Variants in PRMT3 observed in about 807,000 individuals in gnomAD.
The protein encoded by PRMT3 is protein arginine N-methyltransferase 3.
A neutral mutation model predicts 71.9 loss-of-function variants in PRMT3; 62 were observed. The observed-to-expected ratio is 0.86, with a 90% CI of 0.70 to 1.07. The LOEUF (loss-of-function observed/expected upper bound fraction) is 1.07. PRMT3 is among the 50% of genes least tolerant of loss of function. The probability of loss-of-function intolerance (pLI) is 0.00; values close to 1 mark genes in which losing one functional copy is unlikely to be tolerated. For missense variants in PRMT3, 663 were observed against 643.0 expected, an observed-to-expected ratio of 1.03 and a Z score of -0.34; for synonymous variants, 213 against 220.4, an observed-to-expected ratio of 0.97 and a Z score of 0.30.
intron 9 of PRMT3, among the ~76,000 whole-genome samples, chr11:20,420,330 A>C (rs200192069): frequency 6.6e-6 from 1 of 152,212 alleles, no homozygotes; most frequent in East Asian, 1.9e-4. Flanking sequence ...CAATGTATCT[A>C]TGTATTTAAA....
rs1423437435 is a variant in PRMT3, at chr11:20,506,149, G to A, written c.1487-2155G>A. Among the ~76,000 whole-genome samples, 3 of 152,254 alleles carry A rather than the reference G, an allele frequency of 2.0e-5. No individual in the cohort carries two copies. The East Asian group carries it at 5.8e-4, about 29-fold the overall frequency. On this transcript the variant is annotated intron_variant, in intron 15 of 15. Coordinates refer to ENST00000331079, the MANE Select transcript of PRMT3 (RefSeq NM_005788.4). ...GCAATATTTTGTGACCATTAAGTGA[G>A]ATAAATCATGTAAAGACCTTAGAGT...
intron 13 of PRMT3, 121 bp from the exon 14 acceptor site, chr11:20,493,792 ATTGAGT>A (rs1851266955): frequency 1.6e-6 from 1 of 638,222 alleles, no homozygotes; most frequent in Non-Finnish European, 2.6e-6. Flanking sequence ...CAGGAAAAAT[ATTGAGT>A]TTAAGAGGTA....
At chr11:20,480,217 C>G (rs1850898006) in intron 13 of PRMT3, among the ~76,000 whole-genome samples, 1 of 152,106 alleles carries the variant, frequency 6.6e-6, no homozygotes, top group Non-Finnish European at 1.5e-5. Flanking sequence ...TGGTCCGTAT[C>G]TTGATCTGGG....
At chr11:20,412,564 C>T (rs1849218678) in intron 9 of PRMT3, among the ~76,000 whole-genome samples, 2 of 152,004 alleles carry the variant, frequency 1.3e-5, no homozygotes, top group Non-Finnish European at 2.9e-5. Context: ...TTCCCTCCCA[C>T]CTTTTTTGTT....
At chr11:20,454,362 T>C (rs1321882140) in intron 11 of PRMT3, among the ~76,000 whole-genome samples, 2 of 152,220 alleles carry the variant, frequency 1.3e-5, no homozygotes, top group East Asian at 1.9e-4. Context: ...GAATTCTCAC[T>C]GAAATTCATT....
intron 9 of PRMT3, among the ~76,000 whole-genome samples, chr11:20,411,669 C>T (rs777825963): frequency 2.6e-5 from 4 of 152,022 alleles, no homozygotes; most frequent in Admixed American, 1.3e-4. Flanking sequence ...GAGAGTATAA[C>T]AAAATGACTA....
chr11:20,488,413 T>C (rs1390458981), intron 13 of PRMT3, among the ~76,000 whole-genome samples: 1 of 152,180 alleles, frequency 6.6e-6, no homozygotes, highest in Non-Finnish European at 1.5e-5. Flanking sequence ...CAGTTGGCTT[T>C]TGCATTCCAT....
chr11:20,494,245 G>T lies in PRMT3; in HGVS notation c.1477G>T (p.Val493Phe), dbSNP rs1851281553. The T allele has an allele frequency of 1.3e-6, 2 of 1,589,426 alleles. No homozygotes were observed. Among genetic ancestry groups the T allele is most frequent in the South Asian group, 2.2e-5 (2 of 90,368 alleles). ...ATTTCTACTGGAAAAACCATTTTCA[G>T]TTAAAGCAGGTGAGAAAGAATAGTA... ...TVFLLEKPFS[V>F]KAGEALKGKV... The change falls in exon 15 of 16, where the codon GTT (valine) becomes TTT (phenylalanine). Residue 493 changes from valine to phenylalanine, a missense_variant. Coordinates refer to ENST00000331079, the MANE Select transcript of PRMT3 (RefSeq NM_005788.4).
intron 11 of PRMT3, among the ~76,000 whole-genome samples, chr11:20,454,108 TAC>T (rs1480196980): frequency 6.6e-6 from 1 of 152,324 alleles, no homozygotes; most frequent in East Asian, 1.9e-4. Flanking sequence ...TTTGAGATTT[TAC>T]AGTCTCCTAA....
intron 10 of PRMT3, among the ~76,000 whole-genome samples, chr11:20,431,368 G>GT (rs1203261346): frequency 6.6e-6 from 1 of 151,934 alleles, no homozygotes; most frequent in African/African-American, 2.4e-5. Context: ...ACTTCATAAG[G>GT]TTTTTTTGTG....
rs1358246467 is a variant in PRMT3 at position 20,392,201 on chromosome 11, C to T, written c.248-10C>T. 9 of 1,571,336 alleles carry T rather than the reference C, an allele frequency of 5.7e-6. No homozygotes were observed. Among genetic ancestry groups the T allele is most frequent in the Non-Finnish European group, 6.9e-6 (8 of 1,151,478 alleles). On this transcript the variant is annotated splice_polypyrimidine_tract_variant and intron_variant, in intron 3 of 15. Coordinates refer to ENST00000331079, the MANE Select transcript of PRMT3 (RefSeq NM_005788.4). ...GTTAACATAGGTGAATTATCTTTTT[C>T]CCCCTTTAGGACTTGAATTTTATGG... is the stretch of plus-strand genomic sequence containing the variant.
At chr11:20,480,125 A>G (rs1850895217) in intron 13 of PRMT3, among the ~76,000 whole-genome samples, 1 of 152,186 alleles carries the variant, frequency 6.6e-6, no homozygotes, top group Admixed American at 6.6e-5. Context: ...CCATCTGGTC[A>G]TGGACATCAG....
At chr11:20,422,888 C>T (rs1387332075) in intron 9 of PRMT3, among the ~76,000 whole-genome samples, 1 of 152,146 alleles carries the variant, frequency 6.6e-6, no homozygotes, top group African/African-American at 2.4e-5. Context: ...TAGGGATCAA[C>T]CTGGCACATA....
chr11:20,489,422 T>C (rs1851156282), intron 13 of PRMT3, among the ~76,000 whole-genome samples: 1 of 152,216 alleles, frequency 6.6e-6, no homozygotes, highest in South Asian at 2.1e-4. Context: ...TACGAGCATA[T>C]GTCAAGTTGT....
chr11:20,408,637 T>G (rs1009875319), intron 9 of PRMT3, among the ~76,000 whole-genome samples: 2 of 152,194 alleles, frequency 1.3e-5, no homozygotes, highest in African/African-American at 4.8e-5. Flanking sequence ...GGCCTTTATT[T>G]GAAATCCAGC....
rs1452076954 is a variant in PRMT3 at position 20,387,991 on chromosome 11, C to A, written c.29-28C>A. ...CCCGGGCCGCACCGGTGTCCGAGGC[C>A]GATCTGATTGTTGTGTGTGTGTGTT... On this transcript the variant is annotated intron_variant, in intron 1 of 15. Transcript: ENST00000331079. This position sits in a 1 kb window ranked among gnomAD's most constrained non-coding sequence, Gnocchi z 4.3. 21 of 1,612,930 alleles carry A rather than the reference C, an allele frequency of 1.3e-5. No individual in the cohort carries two copies. In the Admixed American group the frequency reaches 3.5e-4, roughly 27 times the overall value.
intron 13 of PRMT3, among the ~76,000 whole-genome samples, chr11:20,469,832 T>C (rs1318252977): frequency 6.6e-6 from 1 of 152,184 alleles, no homozygotes; most frequent in African/African-American, 2.4e-5. Flanking sequence ...TACTTTTCTA[T>C]TAGCATGTAC....
chr11:20,468,211 G>C lies in PRMT3; in HGVS notation c.1347+3665G>C, dbSNP rs1015804395. 2.0e-5 allele frequency among the ~76,000 whole-genome samples: 3 copies of C among 152,166 alleles called. No individual in the cohort carries two copies. The East Asian group carries it at 5.8e-4, about 29-fold the overall frequency. On this transcript the variant is annotated intron_variant, in intron 13 of 15. Transcript: ENST00000331079. ...AGGGAAGAAGAAAGTATCTGAATTT[G>C]TACTGCTAAGTACAAACCTTCAGAT...
rs1032832400 is a variant in PRMT3, at chr11:20,388,153, A to G, written c.163A>G (p.Arg55Gly). The G allele has an allele frequency of 1.2e-6, 2 of 1,613,670 alleles. No individual in the cohort carries two copies. The highest frequency in any genetic ancestry group is 2.7e-5 in the African/African-American group (2 of 74,910). Residue 55 changes from arginine (R) to glycine (G), a missense_variant and splice_region_variant, in exon 2 of 16, where the codon AGG (arginine) becomes GGG (glycine). Arg to Gly is a moderately radical substitution (Grantham distance 125). Coordinates refer to ENST00000331079, the MANE Select transcript of PRMT3 (RefSeq NM_005788.4). The stretch of plus-strand genomic sequence containing the variant: ...GCAGACCCCCTGCCTGTTCTGTAAC[A>G]GGTTCGTCCGCCTCAGCGCCTGGCC... ...KQQTPCLFCN[R>G]LFTSAEETFS...
Sources: gnomAD v4.1 joint callset for allele counts (sites outside exome capture counted in the v4.1 genomes callset) on GRCh38, gnomAD v4.1.1 for gene constraint, Gnocchi (gnomAD v3.1) non-coding constraint, MANE v1.5 for transcripts, NCBI Gene and HGNC (gene_info 2026-07-23, HGNC 2026-07-21) for gene names.